Variants in OPRM1 observed in about 807,000 individuals in gnomAD.
The protein encoded by OPRM1 is opioid receptor mu 1.
Under a neutral mutation model 31.8 loss-of-function variants are expected in OPRM1, and 27 were observed. That is an observed-to-expected ratio of 0.85 (90% CI 0.63 to 1.17). The LOEUF is 1.17. OPRM1 is among the 50% of genes most tolerant of loss of function. The pLI is 0.00. For missense variants in OPRM1, 536 were observed against 511.1 expected, an observed-to-expected ratio of 1.05 and a Z score of -0.47; for synonymous variants, 196 against 189.9, an observed-to-expected ratio of 1.03 and a Z score of -0.26.
chr6:154,178,876 T>G (rs756714306), intron 3 of OPRM1, among the ~76,000 whole-genome samples: 9 of 152,176 alleles, frequency 5.9e-5, no homozygotes, highest in Non-Finnish European at 1.0e-4. Context: ...GTGTCTGACC[T>G]CTAATAACCT....
At position 154,131,834 on chromosome 6, in the gene OPRM1, C is replaced by A. The variant is rs1287638672; in HGVS notation, c.*13113C>A. Among the ~76,000 whole-genome samples, 3 of 151,100 alleles carry A rather than the reference C, an allele frequency of 2.0e-5. No individual in the cohort carries two copies. Among genetic ancestry groups the A allele is most frequent in the African/African-American group, 7.3e-5 (3 of 41,050 alleles). On this transcript the variant is annotated 3_prime_UTR_variant, in exon 4 of 4. Transcript: ENST00000330432. ...GAAACCTGTATTTCGCCTATAGAGA[C>A]AAATACATATATTGTTTGTTGTGAT... is the stretch of plus-strand genomic sequence containing the variant.
chr6:154,201,312 T>A (rs879480398), intron 3 of OPRM1, among the ~76,000 whole-genome samples: 1 of 152,252 alleles, frequency 6.6e-6, no homozygotes, highest in Non-Finnish European at 1.5e-5. Flanking sequence ...GATGTTGAAA[T>A]ACATGCCTTC....
chr6:154,089,694 A>G (rs1791566925), intron 1 of OPRM1, 132 bp from the exon 2 acceptor site: 2 of 632,974 alleles, frequency 3.2e-6, no homozygotes, highest in South Asian at 4.0e-5. Context: ...CCAAGCTGAT[A>G]CTGGAAAACA....
chr6:154,036,066 G>A (rs1779282492), upstream of OPRM1, among the ~76,000 whole-genome samples: 1 of 151,950 alleles, frequency 6.6e-6, no homozygotes, highest in Non-Finnish European at 1.5e-5. Flanking sequence ...ACAGACTTCA[G>A]ACCAATTGAG....
chr6:154,087,497 G>T (rs772045199), intron 1 of OPRM1: 1 of 985,300 alleles, frequency 1.0e-6, no homozygotes, highest in Non-Finnish European at 1.2e-6. Context: ...TCTCTCTCAC[G>T]CTCTCAAATC....
At chr6:154,091,512 A>G (rs200471943) in intron 3 of OPRM1, 40 bp downstream of exon 3, 1 of 1,563,396 alleles carries the variant, frequency 6.4e-7, no homozygotes, top group African/African-American at 1.4e-5. Context: ...ACTGGGGATG[A>G]CATAAAAATT....
At chr6:154,081,156 G>A (rs1789018442) in intron 1 of OPRM1, among the ~76,000 whole-genome samples, 1 of 152,212 alleles carries the variant, frequency 6.6e-6, no homozygotes, top group Non-Finnish European at 1.5e-5. Flanking sequence ...GGAACAGAGA[G>A]GTTGTGAGTC....
intron 3 of OPRM1, chr6:154,094,190 G>A (rs1013017550): frequency 4.7e-6 from 6 of 1,276,744 alleles, no homozygotes; most frequent in Non-Finnish European, 6.1e-6. Flanking sequence ...AAGCACATTA[G>A]TCAACTTCAT....
intron 1 of OPRM1, among the ~76,000 whole-genome samples, chr6:154,055,174 G>A (rs1163952651): frequency 6.6e-6 from 1 of 152,110 alleles, no homozygotes; most frequent in Non-Finnish European, 1.5e-5. Context: ...GATCACTTGA[G>A]GTCAGGACTT....
intron 3 of OPRM1, among the ~76,000 whole-genome samples, chr6:154,188,406 T>C (rs1168666299): frequency 6.6e-6 from 1 of 152,252 alleles, no homozygotes; most frequent in African/African-American, 2.4e-5. Context: ...TGGAAAATTT[T>C]AGACCATAAC....
chr6:154,025,565 G>C (rs1052666868), intron 1 of OPRM1, among the ~76,000 whole-genome samples: 2 of 151,702 alleles, frequency 1.3e-5, no homozygotes, highest in Non-Finnish European at 2.9e-5. Flanking sequence ...CTCCCATTTG[G>C]TTATTTGTTT....
At chr6:154,051,157 C>T (rs1244828065) in intron 1 of OPRM1, among the ~76,000 whole-genome samples, 1 of 152,100 alleles carries the variant, frequency 6.6e-6, no homozygotes, top group Admixed American at 6.6e-5. Flanking sequence ...AAGTAATAAC[C>T]ATGCTATAGC....
rs1333844968 is a variant in OPRM1 at position 154,127,618 on chromosome 6, C to T, written c.*8897C>T. ...ATTGTGGTGGGCCGGCTACAACCCT[C>T]CCCACCCCTCGCTTTCACTAAATAA... On this transcript the variant is annotated 3_prime_UTR_variant, in exon 4 of 4. Transcript: ENST00000330432. Among the ~76,000 whole-genome samples, 5 of 152,164 alleles carry T rather than the reference C, an allele frequency of 3.3e-5. No individual in the cohort carries two copies. The highest frequency in any genetic ancestry group is 7.4e-5 in the Non-Finnish European group (5 of 68,026).
chr6:154,046,329 T>C (rs896206616), intron 1 of OPRM1, among the ~76,000 whole-genome samples: 4 of 152,136 alleles, frequency 2.6e-5, no homozygotes, highest in African/African-American at 9.7e-5. Flanking sequence ...GCACCAGTCA[T>C]GTCCAGTGTT....
intron 3 of OPRM1, among the ~76,000 whole-genome samples, chr6:154,092,972 T>C (rs997725695): frequency 6.6e-6 from 1 of 152,242 alleles, no homozygotes; most frequent in Admixed American, 6.5e-5. Flanking sequence ...TCAAGACTGC[T>C]AAACCTACTC....
At chr6:154,025,730 G>C (rs1241527172) in intron 1 of OPRM1, among the ~76,000 whole-genome samples, 1 of 151,862 alleles carries the variant, frequency 6.6e-6, no homozygotes, top group Non-Finnish European at 1.5e-5. Flanking sequence ...CACGAGGCTT[G>C]CAAATACTAT....
chr6:154,054,839 A>G (rs1050116856), intron 1 of OPRM1, among the ~76,000 whole-genome samples: 1 of 152,208 alleles, frequency 6.6e-6, no homozygotes, highest in Non-Finnish European at 1.5e-5. Context: ...GTATCAAAAC[A>G]TCTCATATAC....
chr6:154,242,207 A>T (rs572877449), intron 3 of OPRM1, among the ~76,000 whole-genome samples: 1 of 152,310 alleles, frequency 6.6e-6, no homozygotes, highest in Non-Finnish European at 1.5e-5. Flanking sequence ...CAAAGATCCT[A>T]ATAATGTGTT....
chr6:154,136,569 T>C (rs1798064567), downstream of OPRM1, among the ~76,000 whole-genome samples: 1 of 152,208 alleles, frequency 6.6e-6, no homozygotes, highest in African/African-American at 2.4e-5. Context: ...CAGGGGGATC[T>C]CATGTTCCAC....
Sources: gnomAD v4.1 joint callset for allele counts (sites outside exome capture counted in the v4.1 genomes callset) on GRCh38, gnomAD v4.1.1 for gene constraint, MANE v1.5 for transcripts, NCBI Gene and HGNC (gene_info 2026-07-23, HGNC 2026-07-21) for gene names.